The following PPP1R37 variants were observed in gnomAD, a reference collection of about 807,000 sequenced individuals.
PPP1R37 encodes the protein leucine rich repeat containing 68.
In PPP1R37, 21 loss-of-function variants were observed where a neutral mutation model predicts 61.0. The observed-to-expected ratio is 0.34, with a 90% CI of 0.24 to 0.50. PPP1R37 has a LOEUF of 0.50. PPP1R37 is among the 20% of genes least tolerant of loss of function. PPP1R37 has a pLI of 0.98. For synonymous variants in PPP1R37, 443 were observed against 433.5 expected, an observed-to-expected ratio of 1.02 and a Z score of -0.27; for missense variants, 910 against 952.7, an observed-to-expected ratio of 0.96 and a Z score of 0.59.
chr19:45,125,138 C>A (rs1201300317), intron 1 of PPP1R37, among the ~76,000 whole-genome samples: 1 of 152,138 alleles, frequency 6.6e-6, no homozygotes, highest in African/African-American at 2.4e-5. Context: ...TGGTGTCAGG[C>A]ACAGTATCTC....
intron 5 of PPP1R37, 151 bp from the exon 6 acceptor site, chr19:45,141,910 G>A (rs887194671): frequency 1.7e-5 from 15 of 891,416 alleles, no homozygotes; most frequent in Middle Eastern, 3.5e-4. Flanking sequence ...AAAACAAGGC[G>A]ACATAGCCAG....
intron 1 of PPP1R37, chr19:45,129,138 T>C: frequency 2.5e-6 from 1 of 398,768 alleles, no homozygotes; most frequent in Non-Finnish European, 4.9e-6. Context: ...ATGTATTTGA[T>C]GTTTTATTTT....
chr19:45,144,779 T>G (rs1246107881), intron 8 of PPP1R37, 75 bp from the exon 9 acceptor site: 5 of 1,319,838 alleles, frequency 3.8e-6, no homozygotes, highest in African/African-American at 3.0e-5. Flanking sequence ...CTTCCCGGCT[T>G]CTTTCCTGAC....
chr19:45,115,071 C>T (rs536164892), intron 1 of PPP1R37, among the ~76,000 whole-genome samples: 6 of 152,302 alleles, frequency 3.9e-5, no homozygotes, highest in African/African-American at 1.2e-4. Context: ...GTATTGAGCT[C>T]AGTGCCCAGT....
At chr19:45,146,200 C>T (rs1169636583) in intron 11 of PPP1R37, 151 bp downstream of exon 11, 33 of 994,434 alleles carry the variant, frequency 3.3e-5, no homozygotes, top group Non-Finnish European at 4.6e-5. Flanking sequence ...CATCTCCACC[C>T]TGCTTCCCTT....
intron 1 of PPP1R37, among the ~76,000 whole-genome samples, chr19:45,115,803 C>T (rs867976908): frequency 3.3e-5 from 5 of 152,150 alleles, no homozygotes; most frequent in South Asian, 4.1e-4. Flanking sequence ...GGTGAAACCC[C>T]GTCTCTGCTA....
chr19:45,140,186 GC>G (rs776418108), intron 2 of PPP1R37, 49 bp from the exon 3 acceptor site: 20 of 1,488,960 alleles, frequency 1.3e-5, no homozygotes, highest in Admixed American at 3.9e-5. Context: ...GGCCTCGGCT[GC>G]CCCCCTGTTC....
chr19:45,135,839 A>G (rs1968533270), intron 1 of PPP1R37, among the ~76,000 whole-genome samples: 2 of 147,552 alleles, frequency 1.4e-5, no homozygotes, highest in African/African-American at 2.6e-5. Context: ...CTGGAGTGCA[A>G]TGGCGCGATT....
At chr19:45,107,488 C>T (rs987116826) in intron 1 of PPP1R37, among the ~76,000 whole-genome samples, 5 of 152,112 alleles carry the variant, frequency 3.3e-5, no homozygotes, top group African/African-American at 1.2e-4. Context: ...CCTGTAGTCC[C>T]AGCTACCTGG....
At position 45,127,935 on chromosome 19, in the gene PPP1R37, A is replaced by G. The variant is rs144232004; in HGVS notation, c.203-10579A>G. ...GGTTGCAGTGAGCCGAGATCGTGCC[A>G]CTACACTCCAGCCTGGGCAACAGAG... On this transcript the variant is annotated intron_variant, in intron 1 of 12. Coordinates refer to ENST00000221462, the MANE Select transcript of PPP1R37 (RefSeq NM_019121.2). Among the ~76,000 whole-genome samples the G allele has an allele frequency of 8.2e-3, 1,227 of 149,914 alleles. 13 individuals carry two copies. The highest frequency in any genetic ancestry group is 0.027 in the African/African-American group (1,102 of 40,448).
At position 45,146,960 on chromosome 19, in the gene PPP1R37, G is replaced by A. The variant is rs979015480; in HGVS notation, c.*398G>A. Reference sequence around the variant, plus strand: ...AGGGCCGGGCAGGCAGCCTGGTGCCGGAGAGGCGGTGCGTGCTGGTGGTGG... The same window carrying A: ...AGGGCCGGGCAGGCAGCCTGGTGCCAGAGAGGCGGTGCGTGCTGGTGGTGG... On this transcript the variant is annotated 3_prime_UTR_variant, in exon 13 of 13. Transcript: ENST00000221462. 4.2e-5 allele frequency: 7 copies of A among 165,440 alleles called. No homozygotes were observed. In the East Asian group the frequency reaches 7.2e-4, roughly 17 times the overall value. 10.2% of individuals were successfully genotyped at this position (165,440 alleles called of 1,614,324 possible). A position where few individuals can be genotyped will look rare whatever the true frequency, so the allele number is the denominator to read the frequency against.
intron 5 of PPP1R37, 74 bp downstream of exon 5, chr19:45,141,515 C>A: frequency 2.0e-6 from 3 of 1,475,176 alleles, no homozygotes; most frequent in Non-Finnish European, 2.7e-6. Flanking sequence ...CAGGGCATGG[C>A]CCGTAGGCTC....
chr19:45,139,164 A>G (rs1182139247), intron 2 of PPP1R37, among the ~76,000 whole-genome samples: 1 of 151,864 alleles, frequency 6.6e-6, no homozygotes, highest in Non-Finnish European at 1.5e-5. Context: ...TGATCTGCCC[A>G]CCTCAGCCTC....
intron 1 of PPP1R37, among the ~76,000 whole-genome samples, chr19:45,115,209 A>G (rs1968250538): frequency 6.6e-6 from 1 of 152,140 alleles, no homozygotes; most frequent in Non-Finnish European, 1.5e-5. Flanking sequence ...GATTGAGAGA[A>G]GGGTCTGGAA....
intron 2 of PPP1R37, among the ~76,000 whole-genome samples, 181 bp from the exon 3 acceptor site, chr19:45,140,055 G>C (rs1253703143): frequency 6.6e-6 from 1 of 152,220 alleles, no homozygotes; most frequent in South Asian, 2.1e-4. Context: ...GAGTTCTCTC[G>C]CTGTCTAAGG....
chr19:45,115,659 T>A (rs1968256826), intron 1 of PPP1R37, among the ~76,000 whole-genome samples: 1 of 152,174 alleles, frequency 6.6e-6, no homozygotes, highest in South Asian at 2.1e-4. Flanking sequence ...GTGCTTGCCA[T>A]TGCTCGTAAA....
intron 1 of PPP1R37, among the ~76,000 whole-genome samples, chr19:45,126,586 G>C (rs1968408004): frequency 6.6e-6 from 1 of 152,178 alleles, no homozygotes. Context: ...TACCTCCCCG[G>C]CTTGAGAATT....
rs778466899 is a variant in PPP1R37 at position 45,093,514 on chromosome 19, C to T, written c.189C>T (p.Asp63=). 2.2e-4 allele frequency: 343 copies of T among 1,534,306 alleles called. No individual in the cohort carries two copies. Among genetic ancestry groups the T allele is most frequent in the Non-Finnish European group, 2.9e-4 (330 of 1,146,004 alleles). Residue 63 remains aspartate, a synonymous_variant, in exon 1 of 13, where the codon GAC becomes GAT. Transcript: ENST00000221462. ...DIVSGAVEPK[D]PWRHAQNVTV... Reference sequence around the variant, plus strand: ...TGTCTGGAGCAGTGGAGCCCAAAGACCCCTGGAGACATGGTAGCTACCGCG... The same window carrying T: ...TGTCTGGAGCAGTGGAGCCCAAAGATCCCTGGAGACATGGTAGCTACCGCG...
At chr19:45,113,290 G>A (rs563025554) in intron 1 of PPP1R37, among the ~76,000 whole-genome samples, 3 of 152,350 alleles carry the variant, frequency 2.0e-5, no homozygotes, top group African/African-American at 7.2e-5. Context: ...CTGTATGGGG[G>A]CCACTGTGGG....
Sources: allele counts gnomAD v4.1 joint callset (sites outside exome capture counted in the v4.1 genomes callset), GRCh38; gene constraint gnomAD v4.1.1; transcripts MANE v1.5; gene names NCBI Gene and HGNC (gene_info 2026-07-23, HGNC 2026-07-21).